Variants in DCC observed in about 807,000 individuals in gnomAD.
The protein encoded by DCC is netrin receptor DCC.
In DCC, 58 loss-of-function variants were observed where a neutral mutation model predicts 172.5. That is an observed-to-expected ratio of 0.34 (90% CI 0.27 to 0.42). The LOEUF (loss-of-function observed/expected upper bound fraction) is 0.42, where lower values mean the gene tolerates loss of function less well. DCC is among the 10% of genes least tolerant of loss of function. The probability of loss-of-function intolerance (pLI) is 1.00; values close to 1 mark genes in which losing one functional copy is unlikely to be tolerated. For synonymous variants in DCC, 709 were observed against 644.5 expected (o/e 1.10, Z -1.52); for missense variants, 1,740 against 1,791.0 (o/e 0.97, Z 0.51).
rs565507721 is a variant in DCC at position 53,070,945 on chromosome 18, C to G, written c.1261+4779C>G. 2.0e-5 allele frequency among the ~76,000 whole-genome samples: 3 copies of G among 152,318 alleles called. No individual in the cohort carries two copies. The South Asian group carries it at 6.2e-4, about 32-fold the overall frequency. ...GCCAGCTATAAATTAAGCAATGAGG[C>G]TGACCATGGTGGGAAGAACATAGCC... On this transcript the variant is annotated intron_variant, in intron 7 of 28. Coordinates refer to ENST00000442544, the MANE Select transcript of DCC (RefSeq NM_005215.4).
At chr18:52,765,200 A>ATTTTTTTTTTTT (rs563633847) in intron 2 of DCC, among the ~76,000 whole-genome samples, 1 of 138,142 alleles carries the variant, frequency 7.2e-6, no homozygotes. Flanking sequence ...CTCCTGGCTA[A>ATTTTTTTTTTTT]TTTTTTTTTT....
intron 7 of DCC, among the ~76,000 whole-genome samples, chr18:53,154,332 CA>C (rs1177774877): frequency 2.6e-5 from 4 of 152,092 alleles, no homozygotes; most frequent in African/African-American, 7.2e-5. Flanking sequence ...GATCATCTCC[CA>C]AATGTAGTAC....
intron 16 of DCC, among the ~76,000 whole-genome samples, chr18:53,389,174 C>G (rs1908381941): frequency 6.6e-6 from 1 of 152,026 alleles, no homozygotes; most frequent in Non-Finnish European, 1.5e-5. Flanking sequence ...TCTTTCTCAG[C>G]AAAAGTTTGG....
chr18:53,529,030 TCTCTCTCTCACACACACA>T (rs1434217560), intron 28 of DCC, among the ~76,000 whole-genome samples: 5 of 65,516 alleles, frequency 7.6e-5, no homozygotes, highest in African/African-American at 3.9e-4. Context: ...TCTCTCTCTC[TCTCTCTCTCACACACACA>T]CACACACACA....
intron 5 of DCC, among the ~76,000 whole-genome samples, chr18:53,056,079 C>T (rs967403587): frequency 2.8e-4 from 42 of 152,192 alleles, no homozygotes; most frequent in African/African-American, 7.9e-4. Context: ...TCCATTCTCA[C>T]ACTGCTATAA....
intron 12 of DCC, among the ~76,000 whole-genome samples, chr18:53,219,474 A>T (rs1373432508): frequency 6.6e-6 from 1 of 152,142 alleles, no homozygotes. Context: ...CCAAAACCCC[A>T]GTATATTATG....
chr18:53,357,178 A>C (rs2144921417), intron 15 of DCC, among the ~76,000 whole-genome samples: 1 of 152,278 alleles, frequency 6.6e-6, no homozygotes, highest in East Asian at 1.9e-4. Flanking sequence ...AAGGTACCAA[A>C]AATGCCAAAC....
chr18:52,739,870 G>A (rs114247369), intron 1 of DCC, among the ~76,000 whole-genome samples: 2 of 152,068 alleles, frequency 1.3e-5, no homozygotes, highest in African/African-American at 4.8e-5. Context: ...GGAATCATCT[G>A]GGGCTCTTTC....
chr18:52,451,157 C>A (rs1988291523), intron 1 of DCC, among the ~76,000 whole-genome samples: 2 of 152,110 alleles, frequency 1.3e-5, no homozygotes, highest in Admixed American at 6.6e-5. Context: ...CAAAGTATGT[C>A]TTTCCTCCCT....
At chr18:52,674,228 C>T (rs1358385581) in intron 1 of DCC, among the ~76,000 whole-genome samples, 1 of 152,068 alleles carries the variant, frequency 6.6e-6, no homozygotes, top group Non-Finnish European at 1.5e-5. Flanking sequence ...CACAATTTTC[C>T]ATTTGCAAGC....
intron 5 of DCC, among the ~76,000 whole-genome samples, chr18:53,038,391 G>A (rs780009531): frequency 2.6e-5 from 4 of 151,890 alleles, no homozygotes; most frequent in East Asian, 1.9e-4. Context: ...TCTTATCATC[G>A]CCTACCCTCA....
intron 19 of DCC, among the ~76,000 whole-genome samples, chr18:53,404,266 T>C (rs374209019): frequency 2.5e-5 from 3 of 121,144 alleles, no homozygotes; most frequent in African/African-American, 7.7e-5. Context: ...AAAAAGATGT[T>C]TTTGGCAAAG....
intron 28 of DCC, chr18:53,530,249 G>A: frequency 1.5e-6 from 1 of 683,400 alleles, no homozygotes. Flanking sequence ...ACGTATCAGA[G>A]AGGTGCACTC....
At chr18:53,519,320 G>C (rs1441482851) in intron 27 of DCC, among the ~76,000 whole-genome samples, 1 of 151,972 alleles carries the variant, frequency 6.6e-6, no homozygotes, top group Non-Finnish European at 1.5e-5. Flanking sequence ...TAAATACTTG[G>C]AATTTGTTGT....
chr18:53,036,334 A>G (rs2042091707), intron 5 of DCC, among the ~76,000 whole-genome samples: 1 of 152,038 alleles, frequency 6.6e-6, no homozygotes, highest in Non-Finnish European at 1.5e-5. Context: ...CAAAATTTGC[A>G]CTTTCTTATA....
At chr18:52,627,220 T>C (rs899880390) in intron 1 of DCC, among the ~76,000 whole-genome samples, 2 of 152,218 alleles carry the variant, frequency 1.3e-5, no homozygotes, top group Non-Finnish European at 2.9e-5. Flanking sequence ...AGTTACTTCA[T>C]ATTTTTATTT....
intron 15 of DCC, among the ~76,000 whole-genome samples, chr18:53,343,866 T>C (rs1331483658): frequency 4.6e-5 from 7 of 152,084 alleles, no homozygotes; most frequent in Non-Finnish European, 2.9e-5. Context: ...CTTTCTTGTA[T>C]TGATTTTGCT....
At chr18:52,725,262 G>C (rs550673127) in intron 1 of DCC, among the ~76,000 whole-genome samples, 2 of 152,294 alleles carry the variant, frequency 1.3e-5, no homozygotes, top group South Asian at 2.1e-4. Flanking sequence ...GCACTGCTGA[G>C]AGCGCCAGTG....
intron 7 of DCC, among the ~76,000 whole-genome samples, chr18:53,107,625 G>A (rs1157786466): frequency 6.7e-6 from 1 of 150,110 alleles, no homozygotes; most frequent in Admixed American, 6.7e-5. Flanking sequence ...TCAGAACTTA[G>A]AAAGAGTCTC....
Sources: allele counts gnomAD v4.1 joint callset (sites outside exome capture counted in the v4.1 genomes callset), GRCh38; gene constraint gnomAD v4.1.1; transcripts MANE v1.5; gene names NCBI Gene and HGNC (gene_info 2026-07-23, HGNC 2026-07-21).